The following SNX9 variants were observed in gnomAD, a reference collection of about 807,000 sequenced individuals.
The protein encoded by SNX9 is sorting nexin-9.
SNX9 carries 44 observed loss-of-function variants against 89.4 expected under a neutral mutation model. That is an observed-to-expected ratio of 0.49 (90% CI 0.39 to 0.63). The LOEUF (loss-of-function observed/expected upper bound fraction) is 0.63, where lower values mean the gene tolerates loss of function less well. Ranked by LOEUF, SNX9 falls within the 30% of genes least tolerant of loss-of-function variation. SNX9 has a pLI of 0.00. For synonymous variants in SNX9, 236 were observed against 247.8 expected (o/e 0.95, Z 0.45); for missense variants, 578 against 736.1 (o/e 0.79, Z 2.49).
rs1781290318 is a variant in SNX9, at chr6:157,823,921, C to G, written c.12+475C>G. ...GGGGTCGAGACCTCGGCGGAGAGGACGCGGCGCTTCCCGTCCCGGCCTGCG... is the reference window on the plus strand; with the variant it reads ...GGGGTCGAGACCTCGGCGGAGAGGAGGCGGCGCTTCCCGTCCCGGCCTGCG... On this transcript the variant is annotated intron_variant, in intron 1 of 17. Coordinates refer to ENST00000392185, the MANE Select transcript of SNX9 (RefSeq NM_016224.5). The surrounding 1 kb of genome is among the most constrained non-coding windows in gnomAD (Gnocchi z 4.6). 2.6e-5 allele frequency among the ~76,000 whole-genome samples: 4 copies of G among 152,140 alleles called. No individual in the cohort carries two copies. In the South Asian group the frequency reaches 8.3e-4, roughly 32 times the overall value.
intron 12 of SNX9, 147 bp from the exon 13 acceptor site, chr6:157,932,045 AAAC>A: frequency 1.6e-6 from 1 of 639,372 alleles, no homozygotes; most frequent in Non-Finnish European, 2.7e-6. Context: ...TCAATTGAAA[AAAC>A]AATCACTTTT....
At position 157,938,691 on chromosome 6, in the gene SNX9, T is replaced by C. The variant is rs762632165; in HGVS notation, c.1592T>C (p.Leu531Pro). 1 of 1,614,096 alleles carries C rather than the reference T, an allele frequency of 6.2e-7. No individual in the cohort carries two copies. Among genetic ancestry groups the C allele is most frequent in the Non-Finnish European group, 8.5e-7 (1 of 1,179,978 alleles). Residue 531 changes from leucine (L) to proline (P), a missense_variant, in exon 16 of 18, where the codon CTA (leucine) becomes CCA (proline). Transcript: ENST00000392185. ...CTAGTTGCAACAAGTAAAATCACCCTACAAGACAAACAGAACATGGTGAAG... is the reference window on the plus strand; with the variant it reads ...CTAGTTGCAACAAGTAAAATCACCCCACAAGACAAACAGAACATGGTGAAG... Reference protein sequence around the residue: ...DKLVATSKITLQDKQNMVKRV... With the variant: ...DKLVATSKITPQDKQNMVKRV...
intron 6 of SNX9, among the ~76,000 whole-genome samples, chr6:157,902,498 T>TTA (rs894361559): frequency 1.3e-5 from 2 of 152,158 alleles, no homozygotes; most frequent in Non-Finnish European, 2.9e-5. Context: ...AACCCCTGTT[T>TTA]TACTGCAGGC....
intron 4 of SNX9, among the ~76,000 whole-genome samples, chr6:157,889,685 C>A (rs867441745): frequency 6.6e-6 from 1 of 152,134 alleles, no homozygotes; most frequent in African/African-American, 2.4e-5. Flanking sequence ...TATCTTAAGC[C>A]TGTTATCTCT....
intron 2 of SNX9, among the ~76,000 whole-genome samples, chr6:157,870,949 C>G (rs112066442): frequency 0.03 from 4,580 of 152,368 alleles, 229 homozygotes; most frequent in African/African-American, 0.1. Flanking sequence ...CATGCTCACA[C>G]AGAGCTCCTG....
Position 157,943,013 on chromosome 6 carries a change from G to T in SNX9, c.*175G>T. 1 of 549,486 alleles carries T rather than the reference G, an allele frequency of 1.8e-6. No individual in the cohort carries two copies. The highest frequency in any genetic ancestry group is 2.9e-5 in the South Asian group (1 of 34,006). The allele number at this position is 549,486 out of a possible 1,614,324, so 34.0% of individuals were successfully genotyped here. Reference sequence around the variant, plus strand: ...ACCCTAAATGCGTCAGTTATTTAGGGATGGTCTTTTGTTCATTTCCGCATC... The same window carrying T: ...ACCCTAAATGCGTCAGTTATTTAGGTATGGTCTTTTGTTCATTTCCGCATC... On this transcript the variant is annotated 3_prime_UTR_variant, in exon 18 of 18. Coordinates refer to ENST00000392185, the MANE Select transcript of SNX9 (RefSeq NM_016224.5).
chr6:157,877,846 T>A (rs1782549756), intron 4 of SNX9, among the ~76,000 whole-genome samples: 1 of 152,142 alleles, frequency 6.6e-6, no homozygotes, highest in African/African-American at 2.4e-5. Context: ...AAGTTTAAAT[T>A]TGACTCTCCT....
intron 1 of SNX9, among the ~76,000 whole-genome samples, chr6:157,824,086 T>A (rs1181642694): frequency 3.3e-5 from 5 of 152,250 alleles, no homozygotes; most frequent in African/African-American, 7.2e-5. Flanking sequence ...AAGAGGGAAA[T>A]GACTGTGCTT....
At chr6:157,894,593 A>G (rs139969704) in intron 4 of SNX9, among the ~76,000 whole-genome samples, 122 of 151,972 alleles carry the variant, frequency 8.0e-4, no homozygotes, top group Admixed American at 6.5e-3. Flanking sequence ...GGTGCCATCT[A>G]TTTCCCATTC....
intron 1 of SNX9, 124 bp from the exon 2 acceptor site, chr6:157,867,423 C>G: frequency 2.9e-6 from 2 of 694,164 alleles, no homozygotes; most frequent in Middle Eastern, 5.0e-4. Flanking sequence ...TCCTTTCTTC[C>G]AAAACAGCCA....
intron 3 of SNX9, 123 bp from the exon 4 acceptor site, chr6:157,874,928 C>A: frequency 1.8e-6 from 2 of 1,113,270 alleles, no homozygotes; most frequent in Non-Finnish European, 2.5e-6. Context: ...AAAAGCAGTG[C>A]TTACAGAGAA....
chr6:157,906,285 A>T, intron 7 of SNX9, 73 bp downstream of exon 7: 1 of 1,180,638 alleles, frequency 8.5e-7, no homozygotes, highest in South Asian at 1.4e-5. Flanking sequence ...AAGCTAAGCG[A>T]GTTATTCATC....
chr6:157,844,896 T>A (rs556570430), intron 1 of SNX9, among the ~76,000 whole-genome samples: 1 of 151,738 alleles, frequency 6.6e-6, no homozygotes, highest in Non-Finnish European at 1.5e-5. Context: ...CGCCTGGCCG[T>A]CGTCCTTGTT....
Position 157,823,380 on chromosome 6 carries a change from C to A in SNX9, c.-55C>A. 1 of 1,271,220 alleles carries A rather than the reference C, an allele frequency of 7.9e-7. No individual in the cohort carries two copies. The highest frequency in any genetic ancestry group is 1.9e-5 in the South Asian group (1 of 51,856). 78.7% of individuals were successfully genotyped at this position (1,271,220 alleles called of 1,614,324 possible). ...CCTTTGCCTGCGCGGCTCAGAATCA[C>A]CATCCGCGGCGCGGGAGACGAGCCG... On this transcript the variant is annotated 5_prime_UTR_variant, in exon 1 of 18. Transcript: ENST00000392185. The surrounding 1 kb of genome is among the most constrained non-coding windows in gnomAD (Gnocchi z 4.6).
chr6:157,881,385 CTG>C (rs1247557971), intron 4 of SNX9, among the ~76,000 whole-genome samples: 1 of 152,130 alleles, frequency 6.6e-6, no homozygotes, highest in African/African-American at 2.4e-5. Context: ...TCCCTATTCT[CTG>C]AGACACAACC....
At chr6:157,858,249 T>C (rs566983049) in intron 1 of SNX9, among the ~76,000 whole-genome samples, 14 of 147,040 alleles carry the variant, frequency 9.5e-5, no homozygotes, top group South Asian at 4.3e-4. Flanking sequence ...TTTTCTTTTT[T>C]CTTTTTTTTT....
chr6:157,825,396 C>G (rs576157569), intron 1 of SNX9, among the ~76,000 whole-genome samples: 1 of 152,204 alleles, frequency 6.6e-6, no homozygotes, highest in Non-Finnish European at 1.5e-5. Flanking sequence ...AGTTTAGCAA[C>G]TAGTGCAGGT....
chr6:157,884,338 ATTT>A (rs1562604650), intron 4 of SNX9, among the ~76,000 whole-genome samples: 3 of 152,204 alleles, frequency 2.0e-5, no homozygotes, highest in Admixed American at 1.3e-4. Flanking sequence ...GGCAATGGTA[ATTT>A]TATGTTGGAA....
At chr6:157,909,265 T>C (rs73026678) in intron 7 of SNX9, among the ~76,000 whole-genome samples, 63 of 152,312 alleles carry the variant, frequency 4.1e-4, no homozygotes, top group Admixed American at 1.0e-3. Flanking sequence ...TGTTGAAAAA[T>C]CAAAATGTGT....
Sources: gnomAD v4.1 joint callset for allele counts (sites outside exome capture counted in the v4.1 genomes callset) on GRCh38, gnomAD v4.1.1 for gene constraint, Gnocchi (gnomAD v3.1) non-coding constraint, MANE v1.5 for transcripts, NCBI Gene and HGNC (gene_info 2026-07-23, HGNC 2026-07-21) for gene names.